MATN2: variants seen among roughly 807,000 people sequenced by gnomAD.
The protein encoded by MATN2 is matrilin-2.
In MATN2, 69 loss-of-function variants were observed where a neutral mutation model predicts 103.2. The ratio of observed to expected loss-of-function variants is 0.67; its 90% CI spans 0.55 to 0.82. MATN2 has a LOEUF of 0.82. MATN2 is among the 40% of genes least tolerant of loss of function. The probability of loss-of-function intolerance (pLI) is 0.00; values close to 1 mark genes in which losing one functional copy is unlikely to be tolerated. For missense variants in MATN2, 1,023 were observed against 1,211.5 expected (o/e 0.84, Z 2.31); for synonymous variants, 429 against 450.2 (o/e 0.95, Z 0.60).
At chr8:98,001,247 A>G (rs1022911167) in intron 7 of MATN2, among the ~76,000 whole-genome samples, 3 of 152,190 alleles carry the variant, frequency 2.0e-5, no homozygotes, top group African/African-American at 7.2e-5. Flanking sequence ...GGTTGGTCCT[A>G]TGGATGGCTC....
At chr8:97,885,904 G>A (rs1818409153) in intron 1 of MATN2, among the ~76,000 whole-genome samples, 1 of 152,236 alleles carries the variant, frequency 6.6e-6, no homozygotes, top group Admixed American at 6.5e-5. Flanking sequence ...TCCATGGTCT[G>A]TTAGGAACCA....
chr8:97,995,872 G>A lies in MATN2; in HGVS notation c.1204+1270G>A, dbSNP rs150875604. ...CCCTGCACACATTCAAGCATTAAAT[G>A]AAAATTTTAATGGAGAGCATTCAGA... is the stretch of plus-strand genomic sequence containing the variant. On this transcript the variant is annotated intron_variant, in intron 7 of 18. Coordinates refer to ENST00000254898, the MANE Select transcript of MATN2 (RefSeq NM_002380.5). 2.8e-3 allele frequency among the ~76,000 whole-genome samples: 426 copies of A among 152,310 alleles called. 1 individual carries two copies. The highest frequency in any genetic ancestry group is 4.9e-3 in the Non-Finnish European group (330 of 68,022).
intron 2 of MATN2, among the ~76,000 whole-genome samples, chr8:97,929,010 G>A (rs994504236): frequency 2.6e-5 from 4 of 152,052 alleles, no homozygotes; most frequent in Non-Finnish European, 2.9e-5. Context: ...AGATCTTATC[G>A]CTGAACCCTC....
chr8:98,001,082 A>G (rs892305490), intron 7 of MATN2, among the ~76,000 whole-genome samples: 4 of 152,250 alleles, frequency 2.6e-5, no homozygotes, highest in African/African-American at 9.6e-5. Context: ...TTGGGCAGAT[A>G]CATGGTAAAA....
chr8:97,951,813 C>T (rs1810963492), intron 4 of MATN2, among the ~76,000 whole-genome samples: 1 of 152,132 alleles, frequency 6.6e-6, no homozygotes, highest in African/African-American at 2.4e-5. Context: ...CAGAGATTCC[C>T]CCCTTCCTCC....
chr8:97,978,397 A>T (rs1323546480), intron 5 of MATN2, among the ~76,000 whole-genome samples: 1 of 152,220 alleles, frequency 6.6e-6, no homozygotes, highest in African/African-American at 2.4e-5. Context: ...TTGTTGTTGT[A>T]AACAATGCTA....
intron 2 of MATN2, among the ~76,000 whole-genome samples, chr8:97,918,202 T>C (rs1356042585): frequency 1.3e-5 from 2 of 152,234 alleles, no homozygotes; most frequent in East Asian, 3.8e-4. Context: ...TAAACGTAGA[T>C]TGTGCCTATC....
Position 97,875,753 on chromosome 8 carries a change from T to C in MATN2, c.-27+6466T>C, listed in dbSNP as rs189384016. Among the ~76,000 whole-genome samples the C allele has an allele frequency of 1.0e-4, 14 of 133,796 alleles. No homozygotes were observed. The East Asian group carries it at 3.2e-3, about 31-fold the overall frequency. 87.8% of individuals were successfully genotyped at this position (133,796 alleles called of 152,430 possible). A position where few individuals can be genotyped will look rare whatever the true frequency, so the allele number is the denominator to read the frequency against. On this transcript the variant is annotated intron_variant, in intron 1 of 18. Coordinates refer to ENST00000254898, the MANE Select transcript of MATN2 (RefSeq NM_002380.5). ...CTCTGTCGCCCAGGCTGGAGTGCAG[T>C]GGCTCGATCTCGGCTCACTGCAAGC...
intron 13 of MATN2, among the ~76,000 whole-genome samples, chr8:98,026,667 T>G (rs1365697050): frequency 6.6e-6 from 1 of 152,204 alleles, no homozygotes; most frequent in African/African-American, 2.4e-5. Flanking sequence ...AACACTTTTT[T>G]TGTGCCAAGT....
intron 2 of MATN2, among the ~76,000 whole-genome samples, chr8:97,915,732 G>C (rs908701693): frequency 6.6e-6 from 1 of 152,222 alleles, no homozygotes; most frequent in Non-Finnish European, 1.5e-5. Flanking sequence ...CAGTTAAAGT[G>C]CCCCTGTGGG....
chr8:98,021,303 G>T lies in MATN2; in HGVS notation c.1918G>T (p.Ala640Ser). The change falls in exon 13 of 19, where the codon GCT becomes TCT. Residue 640 changes from alanine (A) to serine (S), a missense_variant. Ala to Ser is a moderately conservative substitution (Grantham distance 99, BLOSUM62 1). Coordinates refer to ENST00000254898, the MANE Select transcript of MATN2 (RefSeq NM_002380.5). ...CAAATGCTCAGAGGGATTTGTTCTA[G>T]CTGAGGACGGAAGACGGTGCAAGAG... ...ICKCSEGFVL[A>S]EDGRRCKKCT... is the part of the protein sequence containing the mutation. The T allele has an allele frequency of 6.2e-7, 1 of 1,613,516 alleles. No homozygotes were observed. Among genetic ancestry groups the T allele is most frequent in the Non-Finnish European group, 8.5e-7 (1 of 1,179,514 alleles).
intron 2 of MATN2, among the ~76,000 whole-genome samples, chr8:97,905,803 C>T (rs980024753): frequency 3.9e-5 from 6 of 152,112 alleles, no homozygotes; most frequent in African/African-American, 1.2e-4. Flanking sequence ...GTTGGGACTA[C>T]AGGCACACAC....
In MATN2 at chr8:98,032,317, G is replaced by A; in HGVS notation, c.2581G>A (p.Glu861Lys). The A allele has an allele frequency of 6.2e-7, 1 of 1,608,290 alleles. No homozygotes were observed. The highest frequency in any genetic ancestry group is 8.5e-7 in the Non-Finnish European group (1 of 1,177,090). The change falls in exon 16 of 19, where the codon GAA becomes AAA. Residue 861 changes from glutamate to lysine, a missense_variant and splice_region_variant. Coordinates refer to ENST00000254898, the MANE Select transcript of MATN2 (RefSeq NM_002380.5). ...GCCAAAAACGGTCCAACAGCCAACA[G>A]GTACAGTTTTTAAGGCAGTGTTTTT... ...ELPKTVQQPT[E>K]SEPVTINIQD...
intron 6 of MATN2, among the ~76,000 whole-genome samples, chr8:97,979,357 T>C (rs1811947599): frequency 6.6e-6 from 1 of 152,218 alleles, no homozygotes; most frequent in African/African-American, 2.4e-5. Context: ...ATTGAAGCTT[T>C]GTGGCTTGTG....
chr8:98,018,699 C>A (rs943317180), intron 12 of MATN2, among the ~76,000 whole-genome samples: 3 of 151,950 alleles, frequency 2.0e-5, no homozygotes, highest in African/African-American at 4.8e-5. Context: ...GCAGGGAAAC[C>A]CCCTTTATAA....
At chr8:97,892,957 G>A (rs890114170) in intron 2 of MATN2, among the ~76,000 whole-genome samples, 3 of 152,166 alleles carry the variant, frequency 2.0e-5, no homozygotes, top group African/African-American at 4.8e-5. Context: ...GTGGGGCTCC[G>A]ATGTGGCGCT....
intron 3 of MATN2, among the ~76,000 whole-genome samples, chr8:97,939,719 C>T (rs920222088): frequency 6.6e-6 from 1 of 152,144 alleles, no homozygotes; most frequent in African/African-American, 2.4e-5. Context: ...CCACTAGTGA[C>T]CGTGAAAACG....
chr8:97,880,271 ATG>A (rs1818210806), intron 1 of MATN2, among the ~76,000 whole-genome samples: 3 of 152,010 alleles, frequency 2.0e-5, no homozygotes, highest in Non-Finnish European at 2.9e-5. Context: ...TTTAGTAGAG[ATG>A]GTGGAACAGG....
intron 4 of MATN2, among the ~76,000 whole-genome samples, chr8:97,960,367 A>C (rs1171281058): frequency 2.6e-5 from 4 of 151,748 alleles, no homozygotes; most frequent in Non-Finnish European, 5.9e-5. Flanking sequence ...TAGCTGTTTC[A>C]TGGTATCCAA....
Sources: allele counts gnomAD v4.1 joint callset (sites outside exome capture counted in the v4.1 genomes callset), GRCh38; gene constraint gnomAD v4.1.1; transcripts MANE v1.5; gene names NCBI Gene and HGNC (gene_info 2026-07-23, HGNC 2026-07-21).